NGEF: variants seen among roughly 807,000 people sequenced by gnomAD.
The protein encoded by NGEF is neuronal guanine nucleotide exchange factor.
NGEF carries 31 observed loss-of-function variants against 80.9 expected under a neutral mutation model. That is an observed-to-expected ratio of 0.38 (90% CI 0.29 to 0.52). NGEF has a LOEUF of 0.52. Among genes scored for constraint, NGEF ranks in the 20% least tolerant of loss-of-function variants. The pLI, the probability that NGEF is intolerant of heterozygous loss-of-function variation, is 0.84. For missense variants in NGEF, 709 were observed against 926.2 expected, an observed-to-expected ratio of 0.77 and a Z score of 3.04; for synonymous variants, 371 against 370.2, an observed-to-expected ratio of 1.00 and a Z score of -0.03.
At position 232,900,314 on chromosome 2, in the gene NGEF, TCA is replaced by T. The variant is rs1354787901; in HGVS notation, c.829-5400_829-5399del. Among the ~76,000 whole-genome samples, 3 of 83,476 alleles carry T rather than the reference TCA, an allele frequency of 3.6e-5. 1 individual carries two copies. Among genetic ancestry groups the T allele is most frequent in the Admixed American group, 2.6e-4 (2 of 7,766 alleles). The allele number at this position is 83,476 out of a possible 152,430, so 54.8% of individuals were successfully genotyped here. ...CTCAGTCACTCATATACACGTTCAC[TCA>T]CATTCACTCACACACGCTCTCACAG... On this transcript the variant is annotated intron_variant, in intron 5 of 14. Transcript: ENST00000264051.
chr2:232,931,429 G>A (rs926111963), intron 3 of NGEF, among the ~76,000 whole-genome samples: 1 of 152,202 alleles, frequency 6.6e-6, no homozygotes, highest in Non-Finnish European at 1.5e-5. Context: ...GAGTGGCTTG[G>A]TTCTTCCTGA....
At chr2:232,938,741 GAA>G (rs60179308) in intron 3 of NGEF, among the ~76,000 whole-genome samples, 32,319 of 120,990 alleles carry the variant, frequency 0.27, 4,172 homozygotes, top group Middle Eastern at 0.32. Flanking sequence ...CCTGTCTTAA[GAA>G]AAAAAAAAAA....
intron 1 of NGEF, among the ~76,000 whole-genome samples, chr2:232,997,187 A>C (rs1694871756): frequency 6.6e-6 from 1 of 152,118 alleles, no homozygotes; most frequent in African/African-American, 2.4e-5. Context: ...CTGGGCCCAG[A>C]GCTTCTGATT....
intron 1 of NGEF, among the ~76,000 whole-genome samples, chr2:233,008,256 T>C (rs577938772): frequency 6.6e-6 from 1 of 152,254 alleles, no homozygotes; most frequent in South Asian, 2.1e-4. Flanking sequence ...TGGATTGCGG[T>C]AAAGGGTATG....
At chr2:232,932,765 C>T (rs751362349) in intron 3 of NGEF, among the ~76,000 whole-genome samples, 40 of 152,044 alleles carry the variant, frequency 2.6e-4, no homozygotes, top group Non-Finnish European at 3.7e-4. Flanking sequence ...CTTGTATCCT[C>T]ATGCGTTAGA....
chr2:232,910,578 G>A (rs1032110629), intron 5 of NGEF, among the ~76,000 whole-genome samples: 19 of 152,082 alleles, frequency 1.2e-4, no homozygotes, highest in African/African-American at 4.4e-4. Flanking sequence ...ATGAGACACT[G>A]CTACGGGGCG....
chr2:232,903,132 G>A (rs536154322), intron 5 of NGEF, among the ~76,000 whole-genome samples: 6 of 152,306 alleles, frequency 3.9e-5, no homozygotes, highest in Admixed American at 1.3e-4. Flanking sequence ...GCAATTAGGC[G>A]ATACCCTCTC....
Position 232,888,073 on chromosome 2 carries a change from C to T in NGEF, c.1307G>A (p.Arg436Gln), listed in dbSNP as rs572634482. The T allele has an allele frequency of 2.9e-5, 47 of 1,613,086 alleles. No individual in the cohort carries two copies. Among genetic ancestry groups the T allele is most frequent in the Middle Eastern group, 3.3e-4 (2 of 6,052 alleles). ...GTGAGCATCCAAAGCAGTGCACTCCCGCTCAGACCTCTCTTCTACCCTCTT... is the reference window on the plus strand; with the variant it reads ...GTGAGCATCCAAAGCAGTGCACTCCTGCTCAGACCTCTCTTCTACCCTCTT... ...ILKRVEERSERECTALDAHKE... is the reference protein window; with the variant it reads ...ILKRVEERSEQECTALDAHKE... Residue 436 changes from arginine to glutamine, a missense_variant, in exon 9 of 15, where the codon CGG becomes CAG. By Grantham distance (43) the Arg-to-Gln change is conservative. Coordinates refer to ENST00000264051, the MANE Select transcript of NGEF (RefSeq NM_019850.3).
At chr2:232,972,217 A>G (rs1694208393) in intron 2 of NGEF, among the ~76,000 whole-genome samples, 1 of 152,190 alleles carries the variant, frequency 6.6e-6, no homozygotes, top group African/African-American at 2.4e-5. Flanking sequence ...AAAATTTGGC[A>G]TGCGAATTGA....
At chr2:232,931,377 T>C (rs111670243) in intron 3 of NGEF, among the ~76,000 whole-genome samples, 1,606 of 152,222 alleles carry the variant, frequency 0.011, 23 homozygotes, top group South Asian at 0.051. Flanking sequence ...AAGGTAGAAA[T>C]TGGATATTTA....
At position 232,941,129 on chromosome 2, in the gene NGEF, T is replaced by C. The variant is rs780393991; in HGVS notation, c.384-13943A>G. Among the ~76,000 whole-genome samples, 7 of 152,222 alleles carry C rather than the reference T, an allele frequency of 4.6e-5. No homozygotes were observed. In the South Asian group the frequency reaches 6.2e-4, roughly 14 times the overall value. The stretch of plus-strand genomic sequence containing the variant: ...TGCTGATTGGTCGGAGATGAAATCA[T>C]AGGAAGTCGGAGCTGTCTTCTTGAG... On this transcript the variant is annotated intron_variant, in intron 3 of 14. Coordinates refer to ENST00000264051, the MANE Select transcript of NGEF (RefSeq NM_019850.3).
chr2:232,915,833 G>A (rs1356589681), intron 5 of NGEF, among the ~76,000 whole-genome samples: 6 of 152,082 alleles, frequency 3.9e-5, no homozygotes, highest in Admixed American at 3.3e-4. Context: ...TGGGACTATA[G>A]GCGCACACCA....
At chr2:233,005,392 C>T (rs1034866583) in intron 1 of NGEF, among the ~76,000 whole-genome samples, 5 of 152,256 alleles carry the variant, frequency 3.3e-5, no homozygotes, top group Non-Finnish European at 7.3e-5. Context: ...CTACCAAACA[C>T]TTCTGCCCAG....
At chr2:232,999,209 CT>C (rs1340610803) in intron 1 of NGEF, among the ~76,000 whole-genome samples, 1 of 152,046 alleles carries the variant, frequency 6.6e-6, no homozygotes, top group African/African-American at 2.4e-5. Context: ...CCAGGCTGCC[CT>C]TTTTATTATT....
Position 232,995,475 on chromosome 2 carries a change from T to C in NGEF, c.-75+17593A>G, listed in dbSNP as rs1419366392. On this transcript the variant is annotated intron_variant, in intron 1 of 14. Transcript: ENST00000264051. ...GTATACTGACAGTATACATACTGTA[T>C]ATATACACAGTATGTATACTGACAG... Among the ~76,000 whole-genome samples the C allele has an allele frequency of 2.0e-4, 3 of 14,958 alleles. 1 individual carries two copies. The highest frequency in any genetic ancestry group is 3.6e-4 in the Non-Finnish European group (3 of 8,392). 9.8% of individuals were successfully genotyped at this position (14,958 alleles called of 152,430 possible).
chr2:232,959,507 G>C (rs754645785), intron 3 of NGEF, among the ~76,000 whole-genome samples: 1 of 151,730 alleles, frequency 6.6e-6, no homozygotes, highest in East Asian at 1.9e-4. Context: ...ACATTGCCCA[G>C]CATCAGCACT....
chr2:232,988,898 AAGAAT>A (rs1167302354), intron 1 of NGEF, among the ~76,000 whole-genome samples: 1 of 152,226 alleles, frequency 6.6e-6, no homozygotes. Context: ...GAAAAAAAGC[AAGAAT>A]AGAAGAGTAT....
rs1313029436 is a variant in NGEF, at chr2:232,927,158, C to T, written c.412G>A (p.Ala138Thr). 1.2e-6 allele frequency: 2 copies of T among 1,601,560 alleles called. No homozygotes were observed. The highest frequency in any genetic ancestry group is 1.7e-6 in the Non-Finnish European group (2 of 1,175,276). Residue 138 changes from alanine (A) to threonine (T), a missense_variant, in exon 4 of 15, where the codon GCC becomes ACC. Around this residue, in one of 2 missense-constraint regions of NGEF, gnomAD observed 283 missense variants for 303.4 expected, o/e 0.93. Transcript: ENST00000264051. Reference protein sequence around the residue: ...SESSSTPGNGATPEEWPALAD... With the variant: ...SESSSTPGNGTTPEEWPALAD... ...AGGGCCGGCCACTCCTCGGGCGTGG[C>T]CCCATTTCCCGGGGTGGAGGACGAC...
chr2:232,947,501 A>G (rs1358022090), intron 3 of NGEF, among the ~76,000 whole-genome samples: 1 of 152,154 alleles, frequency 6.6e-6, no homozygotes, highest in Non-Finnish European at 1.5e-5. Flanking sequence ...TGCTGTTCTT[A>G]TGATAATGAG....
Sources: allele counts gnomAD v4.1 joint callset (sites outside exome capture counted in the v4.1 genomes callset), GRCh38; gene constraint gnomAD v4.1.1; regional missense constraint gnomAD v4.1.1; transcripts MANE v1.5; gene names NCBI Gene and HGNC (gene_info 2026-07-23, HGNC 2026-07-21).